Variants in CACNB2 observed in about 807,000 individuals in gnomAD.
CACNB2 encodes calcium voltage-gated channel auxiliary subunit beta 2.
In CACNB2, 42 loss-of-function variants were observed where a neutral mutation model predicts 73.3. That is an observed-to-expected ratio of 0.57 (90% confidence interval 0.45 to 0.74). The LOEUF is 0.74. Ranked by LOEUF, CACNB2 falls within the 30% of genes least tolerant of loss-of-function variation. The probability of loss-of-function intolerance (pLI) is 0.00; values close to 1 mark genes in which losing one functional copy is unlikely to be tolerated. For synonymous variants in CACNB2, 348 were observed against 310.3 expected, an observed-to-expected ratio of 1.12 and a Z score of -1.28; for missense variants, 940 against 853.0, an observed-to-expected ratio of 1.10 and a Z score of -1.27.
At position 18,184,608 on chromosome 10, in the gene CACNB2, CT is replaced by C. The variant is rs1234137860; in HGVS notation, c.213+33638del. ...TGTCACATTACATTTAGGATACAGT[CT>C]TTTTAGGCTTCACTTGCCTGGGACA... On this transcript the variant is annotated intron_variant, in intron 2 of 13. Transcript: ENST00000324631. Among the ~76,000 whole-genome samples, 6 of 132,030 alleles carry C rather than the reference CT, an allele frequency of 4.5e-5. No individual in the cohort carries two copies. In the East Asian group the frequency reaches 6.7e-4, roughly 15 times the overall value. The allele number at this position is 132,030 out of a possible 152,430, so 86.6% of individuals were successfully genotyped here. A position where few individuals can be genotyped will look rare whatever the true frequency, so the allele number is the denominator to read the frequency against.
At position 18,530,513 on chromosome 10, in the gene CACNB2, CAA is replaced by C. The variant is rs5783609; in HGVS notation, c.1054+2831_1054+2832del. ...ATAAAATGCAAGAAGTACAAAAATGCAAAAAAAAAAAAAAAATGCAGTTGGGC... is the reference window on the plus strand; with the variant it reads ...ATAAAATGCAAGAAGTACAAAAATGCAAAAAAAAAAAAAATGCAGTTGGGC... On this transcript the variant is annotated intron_variant, in intron 10 of 13. Transcript: ENST00000324631. Among the ~76,000 whole-genome samples, 999 of 129,278 alleles carry C rather than the reference CAA, an allele frequency of 7.7e-3. 9 individuals are homozygous for C. Among genetic ancestry groups the C allele is most frequent in the African/African-American group, 0.025 (846 of 34,124 alleles). The allele number at this position is 129,278 out of a possible 152,430, so 84.8% of individuals were successfully genotyped here. A position where few individuals can be genotyped will look rare whatever the true frequency, so the allele number is the denominator to read the frequency against.
intron 2 of CACNB2, among the ~76,000 whole-genome samples, chr10:18,237,487 G>C (rs1352752041): frequency 6.6e-6 from 1 of 152,134 alleles, no homozygotes; most frequent in Non-Finnish European, 1.5e-5. Flanking sequence ...TAAGAGAATG[G>C]TGTAGAACAA....
At chr10:18,506,140 AGGGTCTCT>A in intron 5 of CACNB2, among the ~76,000 whole-genome samples, 1 of 152,174 alleles carries the variant, frequency 6.6e-6, no homozygotes, top group African/African-American at 2.4e-5. Flanking sequence ...ATCGCCTCTG[AGGGTCTCT>A]AAAATAAAAA....
chr10:18,220,130 T>C (rs1310921326), intron 2 of CACNB2, among the ~76,000 whole-genome samples: 2 of 34,938 alleles, frequency 5.7e-5, no homozygotes, highest in East Asian at 8.8e-4. Flanking sequence ...TATATATATA[T>C]ATATATATAT....
At chr10:18,376,780 C>T (rs999636741) in intron 2 of CACNB2, among the ~76,000 whole-genome samples, 4 of 152,072 alleles carry the variant, frequency 2.6e-5, no homozygotes, top group African/African-American at 9.7e-5. Context: ...GGGTTTATCT[C>T]AGGGCTAGCA....
At chr10:18,516,140 G>A (rs1416908971) in intron 7 of CACNB2, among the ~76,000 whole-genome samples, 2 of 152,020 alleles carry the variant, frequency 1.3e-5, no homozygotes, top group Non-Finnish European at 2.9e-5. Flanking sequence ...GCTTAAACCC[G>A]GAAGGCGGAG....
In CACNB2 at chr10:18,288,226, A is replaced by G. The variant is rs190158776; in HGVS notation, c.214-113698A>G. ...CAACACAGCTTTTTGTGGGGTCATA[A>G]CTCAAACCCATAACAACATCAGAAC... On this transcript the variant is annotated intron_variant, in intron 2 of 13. Transcript: ENST00000324631. Among the ~76,000 whole-genome samples the G allele has an allele frequency of 3.3e-5, 5 of 152,324 alleles. No individual in the cohort carries two copies. The East Asian group carries it at 9.6e-4, about 29-fold the overall frequency.
chr10:18,290,472 A>G (rs558658874), intron 2 of CACNB2, among the ~76,000 whole-genome samples: 16 of 152,160 alleles, frequency 1.1e-4, no homozygotes, highest in African/African-American at 3.4e-4. Flanking sequence ...CATCACCTCA[A>G]TCTCTTGGTC....
chr10:18,147,844 T>A (rs1473910508), intron 1 of CACNB2, among the ~76,000 whole-genome samples: 1 of 152,170 alleles, frequency 6.6e-6, no homozygotes, highest in Non-Finnish European at 1.5e-5. Flanking sequence ...GTCTAGTCCT[T>A]ATTTTCAAGG....
intron 3 of CACNB2, among the ~76,000 whole-genome samples, chr10:18,452,221 G>A (rs1313842379): frequency 1.3e-5 from 2 of 152,050 alleles, no homozygotes; most frequent in Admixed American, 6.6e-5. Flanking sequence ...ACAGATGCTC[G>A]AGACCAGCTT....
At chr10:18,161,984 A>C (rs920333855) in intron 2 of CACNB2, among the ~76,000 whole-genome samples, 2 of 152,194 alleles carry the variant, frequency 1.3e-5, no homozygotes, top group Non-Finnish European at 2.9e-5. Context: ...GAATTGTATT[A>C]ATTTCATGAC....
chr10:18,273,927 T>C (rs2038164372), intron 2 of CACNB2, among the ~76,000 whole-genome samples: 1 of 152,206 alleles, frequency 6.6e-6, no homozygotes, highest in African/African-American at 2.4e-5. Flanking sequence ...TTGTTTCTTC[T>C]TGTTGTTGGA....
chr10:18,190,154 G>T (rs374531554), intron 2 of CACNB2, among the ~76,000 whole-genome samples: 1 of 152,094 alleles, frequency 6.6e-6, no homozygotes, highest in Non-Finnish European at 1.5e-5. Context: ...GCTCATGTCC[G>T]CATCCTCTGC....
intron 3 of CACNB2, among the ~76,000 whole-genome samples, chr10:18,437,930 T>C (rs1589353574): frequency 6.6e-6 from 1 of 151,372 alleles, no homozygotes; most frequent in African/African-American, 2.4e-5. Flanking sequence ...AAACTTATTA[T>C]AATTAGAAAT....
chr10:18,275,821 T>C (rs1227420675), intron 2 of CACNB2, among the ~76,000 whole-genome samples: 1 of 152,184 alleles, frequency 6.6e-6, no homozygotes. Context: ...ATTAATAGTT[T>C]CTAAATTACC....
rs111250176 is a variant in CACNB2, at chr10:18,539,257, C to T, written c.1516C>T (p.Arg506Cys). 3.5e-5 allele frequency: 57 copies of T among 1,613,870 alleles called. No individual in the cohort carries two copies. In the Middle Eastern group the frequency reaches 4.9e-4, roughly 14 times the overall value. The change falls in exon 14 of 14, where the codon CGC becomes TGC. Residue 506 changes from arginine to cysteine, a missense_variant. Arg to Cys is a radical substitution (Grantham distance 180). Transcript: ENST00000324631. Reference sequence around the variant, plus strand: ...TTCTCAAGGTGATCAGAGGACTGATCGCTCCGCTCCTATCCGTTCTGCTTC... The same window carrying T: ...TTCTCAAGGTGATCAGAGGACTGATTGCTCCGCTCCTATCCGTTCTGCTTC... ...QGSQGDQRTDRSAPIRSASQA... is the reference protein window; with the variant it reads ...QGSQGDQRTDCSAPIRSASQA...
At chr10:18,199,941 CTGTGTGTGTGTG>C (rs141377460) in intron 2 of CACNB2, among the ~76,000 whole-genome samples, 21 of 136,518 alleles carry the variant, frequency 1.5e-4, no homozygotes, top group East Asian at 8.8e-4. Context: ...GTATATGAAA[CTGTGTGTGTGTG>C]TGTGTGTGTG....
At chr10:18,159,769 T>C (rs1272275291) in intron 2 of CACNB2, among the ~76,000 whole-genome samples, 1 of 152,246 alleles carries the variant, frequency 6.6e-6, no homozygotes, top group Non-Finnish European at 1.5e-5. Context: ...CGTAGACTGA[T>C]ATGTTTAAGG....
At chr10:18,228,447 AAAG>A (rs1215059728) in intron 2 of CACNB2, among the ~76,000 whole-genome samples, 17 of 141,306 alleles carry the variant, frequency 1.2e-4, no homozygotes, top group East Asian at 7.3e-4. Context: ...AAAAAAAAAA[AAAG>A]AAAAAAAAAA....
Sources: gnomAD v4.1 joint callset for allele counts (sites outside exome capture counted in the v4.1 genomes callset) on GRCh38, gnomAD v4.1.1 for gene constraint, MANE v1.5 for transcripts, NCBI Gene and HGNC (gene_info 2026-07-23, HGNC 2026-07-21) for gene names.